Variants in RBSN observed in about 807,000 individuals in gnomAD.
RBSN encodes rabenosyn-5.
In RBSN, 34 loss-of-function variants were observed where a neutral mutation model predicts 60.5. The observed-to-expected ratio is 0.56, with a 90% CI of 0.43 to 0.75. The LOEUF is 0.75. Ranked by LOEUF, RBSN falls within the 30% of genes least tolerant of loss-of-function variation. The probability of loss-of-function intolerance (pLI) is 0.00; values close to 1 mark genes in which losing one functional copy is unlikely to be tolerated. For missense variants in RBSN, 845 were observed against 986.8 expected (o/e 0.86, Z 1.92); for synonymous variants, 322 against 366.9 (o/e 0.88, Z 1.40).
chr3:15,080,636 GAAGTT>G (rs2043180033), intron 10 of RBSN, 91 bp downstream of exon 10: 2 of 1,258,174 alleles, frequency 1.6e-6, no homozygotes, highest in Admixed American at 2.1e-5. Context: ...AAGCACGGTT[GAAGTT>G]AAGATTTTCA....
rs1304912735 is a variant in RBSN at position 15,070,763 on chromosome 3, T to C, written c.*3019A>G. The C allele has an allele frequency of 6.6e-6, 1 of 152,656 alleles. No individual in the cohort carries two copies. The highest frequency in any genetic ancestry group is 6.5e-5 in the Admixed American group (1 of 15,286). 9.5% of individuals were successfully genotyped at this position (152,656 alleles called of 1,614,324 possible). The stretch of plus-strand genomic sequence containing the variant: ...AAGAATTCATAGAAGAATACAGCCA[T>C]GGATAAACTTAATCAAAAGAATATG... On this transcript the variant is annotated 3_prime_UTR_variant, in exon 14 of 14. Transcript: ENST00000253699.
At chr3:15,090,267 G>T in intron 5 of RBSN, 132 bp downstream of exon 5, 2 of 957,110 alleles carry the variant, frequency 2.1e-6, no homozygotes, top group Non-Finnish European at 3.0e-6. Context: ...CCCCCAGCAA[G>T]GGCATAAGGT....
At chr3:15,075,225 A>G (rs1294149398) in intron 13 of RBSN, 13 of 573,644 alleles carry the variant, frequency 2.3e-5, no homozygotes, top group Non-Finnish European at 3.7e-5. Flanking sequence ...TGTTCCCCTC[A>G]TCTACACTGG....
Position 15,090,339 on chromosome 3 carries a change from AC to A in RBSN, c.289+59del, listed in dbSNP as rs555457814. The stretch of plus-strand genomic sequence containing the variant: ...CTCCTCAGCCAACTCTTAAAACTTT[AC>A]CTAGAACATAGCAGATGCTCAATAA... On this transcript the variant is annotated intron_variant, in intron 5 of 13. Coordinates refer to ENST00000253699, the MANE Select transcript of RBSN (RefSeq NM_022340.4). 8.4e-4 allele frequency: 1,330 copies of A among 1,588,166 alleles called. 3 individuals carry two copies. In the African/African-American group the frequency reaches 0.015, roughly 18 times the overall value.
At chr3:15,078,899 G>A (rs545124927) in intron 10 of RBSN, among the ~76,000 whole-genome samples, 78 of 140,422 alleles carry the variant, frequency 5.6e-4, no homozygotes, top group African/African-American at 1.8e-3. Context: ...TACATGCATC[G>A]CTTTAAATGT....
At chr3:15,076,974 C>T in intron 12 of RBSN, 88 bp downstream of exon 12, 2 of 1,064,042 alleles carry the variant, frequency 1.9e-6, no homozygotes, top group South Asian at 2.6e-5. Context: ...AGGAAGTAAA[C>T]AAGTCATTGG....
In RBSN at chr3:15,078,192, G is replaced by A. The variant is rs772138698; in HGVS notation, c.912-31C>T. 116 of 1,592,302 alleles carry A rather than the reference G, an allele frequency of 7.3e-5. No individual in the cohort carries two copies. The Middle Eastern group carries it at 1.3e-3, about 18-fold the overall frequency. On this transcript the variant is annotated intron_variant, in intron 10 of 13. Coordinates refer to ENST00000253699, the MANE Select transcript of RBSN (RefSeq NM_022340.4). The stretch of plus-strand genomic sequence containing the variant: ...GAGAAACCAGAGACACGTGACCTAA[G>A]TTTCATGGTGCAGATTGGACAGCAT...
chr3:15,074,456 G>A lies in RBSN; in HGVS notation c.1681C>T (p.Pro561Ser). The change falls in exon 14 of 14, where the codon CCC becomes TCC. Residue 561 changes from proline (P) to serine (S), a missense_variant. Pro to Ser is a moderately conservative substitution (Grantham distance 74, BLOSUM62 -1). Coordinates refer to ENST00000253699, the MANE Select transcript of RBSN (RefSeq NM_022340.4). This position sits in a 1 kb window ranked among gnomAD's most constrained non-coding sequence, Gnocchi z 6.4. ...AGGTGGGTGCGAGGCTCTCTGCTGG[G>A]CTCCAGCTGAAAAGGGCCGATTTCT... ...FREIGPFQLE[P>S]SREPRTHLAY... 1.9e-6 allele frequency: 3 copies of A among 1,614,206 alleles called. No homozygotes were observed. The highest frequency in any genetic ancestry group is 1.7e-6 in the Non-Finnish European group (2 of 1,180,034).
Position 15,082,231 on chromosome 3 carries a change from T to G in RBSN, c.840+136A>C. On this transcript the variant is annotated intron_variant, in intron 9 of 13. Transcript: ENST00000253699. This position sits in a 1 kb window ranked among gnomAD's most constrained non-coding sequence, Gnocchi z 4.2. Reference sequence around the variant, plus strand: ...GGGCCCTAGCTGGGAAATCATAACATGGGCCTTTAACAGGAACTACAAATA... The same window carrying G: ...GGGCCCTAGCTGGGAAATCATAACAGGGGCCTTTAACAGGAACTACAAATA... The G allele has an allele frequency of 8.4e-7, 1 of 1,187,906 alleles. No individual in the cohort carries two copies. The highest frequency in any genetic ancestry group is 1.2e-6 in the Non-Finnish European group (1 of 844,564). 73.6% of individuals were successfully genotyped at this position (1,187,906 alleles called of 1,614,324 possible).
chr3:15,089,456 CAAAAAAAAAAAAAAAA>C (rs757156425), intron 5 of RBSN, among the ~76,000 whole-genome samples: 1 of 31,464 alleles, frequency 3.2e-5, no homozygotes. Context: ...ACTCCATCTC[CAAAAAAAAAAAAAAAA>C]AAAAACAAAA....
intron 12 of RBSN, 85 bp from the exon 13 acceptor site, chr3:15,075,795 G>T: frequency 9.4e-7 from 1 of 1,067,756 alleles, no homozygotes; most frequent in Non-Finnish European, 1.4e-6. Flanking sequence ...GTCTGCTTAA[G>T]CTGAGCCACT....
chr3:15,090,653 C>T (rs2043489007), intron 4 of RBSN, 114 bp from the exon 5 acceptor site: 24 of 1,419,814 alleles, frequency 1.7e-5, no homozygotes, highest in Non-Finnish European at 1.9e-5. Flanking sequence ...TTTAAAAATG[C>T]ACCAGAAATA....
chr3:15,086,256 A>G (rs1575099882), intron 5 of RBSN: 1 of 273,628 alleles, frequency 3.7e-6, no homozygotes, highest in Non-Finnish European at 6.8e-6. Context: ...GAGTGAGACC[A>G]ACTTCAGAAA....
At chr3:15,097,122 A>G (rs925447043) in intron 2 of RBSN, among the ~76,000 whole-genome samples, 3 of 151,974 alleles carry the variant, frequency 2.0e-5, no homozygotes, top group African/African-American at 4.8e-5. Context: ...AGCCCCCCCA[A>G]ACTGCTGAGA....
chr3:15,073,662 C>T lies in RBSN; in HGVS notation c.*120G>A. The T allele has an allele frequency of 9.4e-7, 1 of 1,066,684 alleles. No individual in the cohort carries two copies. The highest frequency in any genetic ancestry group is 1.3e-6 in the Non-Finnish European group (1 of 745,556). 66.1% of individuals were successfully genotyped at this position (1,066,684 alleles called of 1,614,324 possible). On this transcript the variant is annotated 3_prime_UTR_variant, in exon 14 of 14. Transcript: ENST00000253699. ...CACAAAACAGCAGATTCCTGCCCCT[C>T]ACCTGTGTGCATCTGAGTTCTCACC...
At chr3:15,090,666 T>C (rs2043489470) in intron 4 of RBSN, 127 bp from the exon 5 acceptor site, 1 of 1,340,154 alleles carries the variant, frequency 7.5e-7, no homozygotes, top group African/African-American at 1.5e-5. Context: ...CAGAAATATT[T>C]AGATCTCAAG....
intron 12 of RBSN, among the ~76,000 whole-genome samples, chr3:15,076,144 C>G (rs1415753692): frequency 6.6e-6 from 1 of 152,090 alleles, no homozygotes. Context: ...GAACGTTGGT[C>G]TTTTTTGTTC....
chr3:15,096,343 T>C (rs2043657169), intron 3 of RBSN, 55 bp from the exon 4 acceptor site: 1 of 447,932 alleles, frequency 2.2e-6, no homozygotes, highest in East Asian at 3.4e-5. Context: ...TGGTAGCAAT[T>C]GAGGATTTTC....
chr3:15,081,237 A>T, intron 9 of RBSN: 2 of 156,454 alleles, frequency 1.3e-5, no homozygotes, highest in Non-Finnish European at 2.8e-5. Flanking sequence ...CTGGTCTCGA[A>T]CTCCTGGCCT....
Sources: gnomAD v4.1 joint callset for allele counts (sites outside exome capture counted in the v4.1 genomes callset) on GRCh38, gnomAD v4.1.1 for gene constraint, Gnocchi (gnomAD v3.1) non-coding constraint, MANE v1.5 for transcripts, NCBI Gene and HGNC (gene_info 2026-07-23, HGNC 2026-07-21) for gene names.